BARD1: variants seen among roughly 807,000 people sequenced by gnomAD.
BARD1 encodes the protein BRCA1 associated RING domain 1.
BARD1 carries 73 observed loss-of-function variants against 77.0 expected under a neutral mutation model. The ratio of observed to expected loss-of-function variants is 0.95; its 90% CI spans 0.79 to 1.15. The LOEUF is 1.15. Ranked by LOEUF, BARD1 falls within the 50% of genes most tolerant of loss-of-function variation. The probability of loss-of-function intolerance (pLI) is 0.00; values close to 1 mark genes in which losing one functional copy is unlikely to be tolerated. For synonymous variants in BARD1, 384 were observed against 338.0 expected (o/e 1.14, Z -1.49); for missense variants, 993 against 938.8 (o/e 1.06, Z -0.75).
Position 214,789,804 on chromosome 2 carries a change from C to A in BARD1, c.364+2493G>T, listed in dbSNP as rs546303028. On this transcript the variant is annotated intron_variant, in intron 3 of 10. Transcript: ENST00000260947. ...TCCTAAATTTCTGATTATGTGTTAT[C>A]TAAACAGGGAACTTCAACTCAGTTT... Among the ~76,000 whole-genome samples, 21 of 152,164 alleles carry A rather than the reference C, an allele frequency of 1.4e-4. No homozygotes were observed. In the South Asian group the frequency reaches 4.4e-3, roughly 32 times the overall value.
In BARD1 at chr2:214,725,853, T is replaced by C. The variant is rs180852909; in HGVS notation, c.*2823A>G. The C allele has an allele frequency of 2.6e-4, 59 of 223,076 alleles. No individual in the cohort carries two copies. The Admixed American group carries it at 3.4e-3, about 13-fold the overall frequency. The allele number at this position is 223,076 out of a possible 1,614,324, so 13.8% of individuals were successfully genotyped here. A position where few individuals can be genotyped will look rare whatever the true frequency, so the allele number is the denominator to read the frequency against. On this transcript the variant is annotated 3_prime_UTR_variant, in exon 11 of 11. Coordinates refer to ENST00000260947, the MANE Select transcript of BARD1 (RefSeq NM_000465.4). Reference sequence around the variant, plus strand: ...ACAGAATAGACAATTGTGACTGTAATGAGGCCCATGAACGTTTAGAATATG... The same window carrying C: ...ACAGAATAGACAATTGTGACTGTAACGAGGCCCATGAACGTTTAGAATATG...
At chr2:214,734,342 C>T (rs1252023549) in intron 9 of BARD1, among the ~76,000 whole-genome samples, 1 of 151,966 alleles carries the variant, frequency 6.6e-6, no homozygotes, top group Non-Finnish European at 1.5e-5. Flanking sequence ...AAAAGTAGAA[C>T]ATCATTAAGA....
At chr2:214,759,034 T>G (rs989771717) in intron 6 of BARD1, among the ~76,000 whole-genome samples, 3 of 152,116 alleles carry the variant, frequency 2.0e-5, no homozygotes, top group African/African-American at 7.2e-5. Flanking sequence ...TGCAAACATA[T>G]AGATTTAATT....
intron 9 of BARD1, 104 bp from the exon 10 acceptor site, chr2:214,730,612 C>G (rs1407340945): frequency 3.3e-6 from 3 of 910,380 alleles, no homozygotes; most frequent in Non-Finnish European, 5.3e-6. Flanking sequence ...TTCTTCATGG[C>G]AGTTTTTAAG....
intron 4 of BARD1, 37 bp downstream of exon 4, chr2:214,780,523 C>T: frequency 6.3e-7 from 1 of 1,585,076 alleles, no homozygotes. Context: ...TATAGTTGGC[C>T]TCATTCTGAG....
chr2:214,744,004 A>G (rs1033867122), intron 9 of BARD1, among the ~76,000 whole-genome samples: 4 of 152,192 alleles, frequency 2.6e-5, no homozygotes, highest in African/African-American at 9.7e-5. Flanking sequence ...TGTAACTACT[A>G]ATCTTTTGTA....
intron 4 of BARD1, among the ~76,000 whole-genome samples, chr2:214,776,459 A>G (rs149781967): frequency 6.6e-6 from 1 of 152,346 alleles, no homozygotes; most frequent in African/African-American, 2.4e-5. Context: ...AGTGTTCTCA[A>G]TAGCAGTTTA....
intron 1 of BARD1, among the ~76,000 whole-genome samples, chr2:214,797,336 G>A (rs1224670058): frequency 6.6e-6 from 1 of 152,194 alleles, no homozygotes; most frequent in Non-Finnish European, 1.5e-5. Context: ...CTGGGTACAA[G>A]TTGTAATACA....
At chr2:214,773,752 G>A (rs547017365) in intron 4 of BARD1, among the ~76,000 whole-genome samples, 4 of 152,176 alleles carry the variant, frequency 2.6e-5, no homozygotes, top group Non-Finnish European at 5.9e-5. Flanking sequence ...GAGCAAGCAG[G>A]TAGTTGCTGA....
At chr2:214,802,111 C>T (rs1013583127) in intron 1 of BARD1, among the ~76,000 whole-genome samples, 4 of 152,074 alleles carry the variant, frequency 2.6e-5, no homozygotes, top group Non-Finnish European at 4.4e-5. Context: ...CACAATGGTT[C>T]GACTCACAAT....
intron 2 of BARD1, among the ~76,000 whole-genome samples, chr2:214,795,365 A>T (rs1695712168): frequency 6.6e-6 from 1 of 152,172 alleles, no homozygotes; most frequent in Non-Finnish European, 1.5e-5. Context: ...GAACAGTGTG[A>T]GCCAGAGGTA....
chr2:214,787,166 A>G (rs1010708308), intron 3 of BARD1, among the ~76,000 whole-genome samples: 3 of 151,938 alleles, frequency 2.0e-5, no homozygotes, highest in African/African-American at 7.2e-5. Flanking sequence ...TTAAAAATGT[A>G]GAATTGAGCT....
chr2:214,745,286 A>G (rs1363114988), intron 8 of BARD1, 127 bp from the exon 9 acceptor site: 1 of 788,228 alleles, frequency 1.3e-6, no homozygotes, highest in East Asian at 2.7e-5. Context: ...CAATTTTTAC[A>G]CTTAAGTGTA....
At chr2:214,790,774 A>C (rs1367212070) in intron 3 of BARD1, among the ~76,000 whole-genome samples, 1 of 152,156 alleles carries the variant, frequency 6.6e-6, no homozygotes, top group African/African-American at 2.4e-5. Flanking sequence ...ACTCCTAAGA[A>C]TCTAACAAAA....
At chr2:214,744,923 G>T (rs557767698) in intron 9 of BARD1, 144 bp downstream of exon 9, 10 of 772,454 alleles carry the variant, frequency 1.3e-5, no homozygotes, top group Non-Finnish European at 2.0e-5. Flanking sequence ...GAGCCACCAC[G>T]CCCAGCCAGA....
chr2:214,751,101 GTGTGTGTGTGTGTGTGTATATATA>G (rs1260719171), intron 7 of BARD1, among the ~76,000 whole-genome samples: 3,502 of 57,602 alleles, frequency 0.061, 815 homozygotes, highest in East Asian at 0.096. Context: ...GTGTGTGTGT[GTGTGTGTGTGTGTGTGTATATATA>G]TATATATATA....
chr2:214,748,736 G>C (rs1262713301), intron 7 of BARD1, among the ~76,000 whole-genome samples: 1 of 151,976 alleles, frequency 6.6e-6, no homozygotes. Context: ...TAGGGAAGCA[G>C]TGAGCTGCTT....
chr2:214,732,391 T>C (rs1692394437), intron 9 of BARD1, among the ~76,000 whole-genome samples: 1 of 151,946 alleles, frequency 6.6e-6, no homozygotes, highest in African/African-American at 2.4e-5. Flanking sequence ...ATGATGATTT[T>C]TTTTTCTTTT....
At chr2:214,752,667 A>C (rs1378780655) in intron 6 of BARD1, 112 bp from the exon 7 acceptor site, 1 of 789,082 alleles carries the variant, frequency 1.3e-6, no homozygotes, top group African/African-American at 1.7e-5. Context: ...CTCAGAACTC[A>C]TATTAGGCAG....
Sources: gnomAD v4.1 joint callset for allele counts (sites outside exome capture counted in the v4.1 genomes callset) on GRCh38, gnomAD v4.1.1 for gene constraint, MANE v1.5 for transcripts, NCBI Gene and HGNC (gene_info 2026-07-23, HGNC 2026-07-21) for gene names.